Variants in RAD51 observed in about 807,000 individuals in gnomAD.
RAD51 encodes RAD51 recombinase.
A neutral mutation model predicts 41.5 loss-of-function variants in RAD51; 14 were observed. That is an observed-to-expected ratio of 0.34 (90% CI 0.22 to 0.53). RAD51 has a LOEUF of 0.53. RAD51 is among the 20% of genes least tolerant of loss of function. The pLI, the probability that RAD51 is intolerant of heterozygous loss-of-function variation, is 0.95. For synonymous variants in RAD51, 136 were observed against 148.6 expected (o/e 0.92, Z 0.62); for missense variants, 234 against 422.0 (o/e 0.55, Z 3.90).
chr15:40,697,713 G>A (rs955922351), intron 1 of RAD51, among the ~76,000 whole-genome samples: 1 of 150,632 alleles, frequency 6.6e-6, no homozygotes, highest in Non-Finnish European at 1.5e-5. Flanking sequence ...ACCACGCCCA[G>A]CTAATTTTTT....
intron 9 of RAD51, among the ~76,000 whole-genome samples, chr15:40,730,781 C>G (rs1228447877): frequency 6.6e-6 from 1 of 151,810 alleles, no homozygotes; most frequent in East Asian, 1.9e-4. Flanking sequence ...CTCAGCCTCC[C>G]AAAGTGCTGG....
At chr15:40,714,635 CTAAT>C (rs997156520) in intron 5 of RAD51, among the ~76,000 whole-genome samples, 7 of 152,064 alleles carry the variant, frequency 4.6e-5, no homozygotes, top group African/African-American at 1.7e-4. Context: ...AAAAAGAATG[CTAAT>C]TAATTAATAA....
At position 40,731,376 on chromosome 15, in the gene RAD51, A is replaced by G. The variant is rs1459829862; in HGVS notation, c.*198A>G. The G allele has an allele frequency of 1.5e-6, 1 of 653,040 alleles. No individual in the cohort carries two copies. Among genetic ancestry groups the G allele is most frequent in the African/African-American group, 1.8e-5 (1 of 55,062 alleles). 40.5% of individuals were successfully genotyped at this position (653,040 alleles called of 1,614,324 possible). A position where few individuals can be genotyped will look rare whatever the true frequency, so the allele number is the denominator to read the frequency against. ...AGTCACAAACTGATCTAAAATGTTT[A>G]TTCCTTCTGTAGTGTATTAATCTCT... On this transcript the variant is annotated 3_prime_UTR_variant, in exon 10 of 10. Transcript: ENST00000267868.
intron 2 of RAD51, among the ~76,000 whole-genome samples, chr15:40,699,508 A>C (rs45439992): frequency 6.6e-6 from 1 of 150,976 alleles, no homozygotes; most frequent in Admixed American, 6.6e-5. Flanking sequence ...TTGATCTTGA[A>C]CTCCTGGCCT....
chr15:40,695,570 G>C (rs868124562), intron 1 of RAD51, 145 bp downstream of exon 1: 4 of 151,490 alleles, frequency 2.6e-5, no homozygotes, highest in African/African-American at 9.7e-5. Flanking sequence ...GTCCGCGCCC[G>C]ACCGACCCTC....
chr15:40,707,316 CT>C (rs1224584164), intron 4 of RAD51, among the ~76,000 whole-genome samples: 2 of 126,344 alleles, frequency 1.6e-5, no homozygotes. Context: ...TTTTCTTTCC[CT>C]TTTTTTTGAG....
chr15:40,713,967 A>C (rs935119214), intron 5 of RAD51, among the ~76,000 whole-genome samples: 8 of 143,142 alleles, frequency 5.6e-5, no homozygotes, highest in African/African-American at 2.1e-4. Flanking sequence ...GACCTAATCC[A>C]TTGTTAACTC....
chr15:40,699,702 G>C (rs1444849670), intron 2 of RAD51, among the ~76,000 whole-genome samples: 1 of 152,184 alleles, frequency 6.6e-6, no homozygotes, highest in Non-Finnish European at 1.5e-5. Context: ...ACCTAGATTT[G>C]TGCTGTCAGC....
chr15:40,695,096 CG>C (rs1382028367), upstream of RAD51: 1 of 152,344 alleles, frequency 6.6e-6, no homozygotes, highest in Non-Finnish European at 1.5e-5. Flanking sequence ...AGGGCGGAAG[CG>C]GGGAGAAGGC....
At chr15:40,701,412 TCA>T (rs1380041443) in intron 3 of RAD51, among the ~76,000 whole-genome samples, 4 of 145,642 alleles carry the variant, frequency 2.7e-5, no homozygotes. Context: ...TCTCGCTCTG[TCA>T]CACAGGGTGG....
chr15:40,728,943 T>G (rs1320733068), intron 7 of RAD51, 119 bp downstream of exon 7: 5 of 882,468 alleles, frequency 5.7e-6, no homozygotes, highest in African/African-American at 1.7e-5. Flanking sequence ...TTAAGTATAA[T>G]TCCTGTGTTG....
intron 4 of RAD51, among the ~76,000 whole-genome samples, 200 bp from the exon 5 acceptor site, chr15:40,708,825 A>C (rs1014245603): frequency 1.3e-5 from 2 of 151,416 alleles, no homozygotes; most frequent in Non-Finnish European, 2.9e-5. Flanking sequence ...CCACCCACCT[A>C]AGCTTCCTAA....
intron 9 of RAD51, among the ~76,000 whole-genome samples, chr15:40,730,667 A>G (rs564727009): frequency 6.7e-6 from 1 of 149,376 alleles, no homozygotes; most frequent in African/African-American, 2.5e-5. Flanking sequence ...GACTACAGGC[A>G]CCCGCCACCA....
Position 40,718,870 on chromosome 15 carries a change from G to A in RAD51, c.501G>A (p.Arg167=), listed in dbSNP as rs554381888. The change falls in exon 6 of 10, where the codon AGG becomes AGA. Residue 167 remains arginine, a synonymous_variant. Transcript: ENST00000267868. ...ACATTGACACTGAGGGTACCTTTAG[G>A]CCAGAACGGCTGCTGGCAGTGGCTG... The part of the protein sequence containing the change: ...AMYIDTEGTF[R]PERLLAVAER... 1.2e-5 allele frequency: 19 copies of A among 1,613,250 alleles called. No homozygotes were observed. In the South Asian group the frequency reaches 1.8e-4, roughly 15 times the overall value.
At chr15:40,710,989 C>T (rs1425917725) in intron 5 of RAD51, among the ~76,000 whole-genome samples, 1 of 152,128 alleles carries the variant, frequency 6.6e-6, no homozygotes, top group Non-Finnish European at 1.5e-5. Flanking sequence ...ACTTATGCTC[C>T]TATTGGTGGG....
chr15:40,731,709 A>G lies in RAD51; in HGVS notation c.*531A>G, dbSNP rs775800573. On this transcript the variant is annotated 3_prime_UTR_variant, in exon 10 of 10. Transcript: ENST00000267868. Reference sequence around the variant, plus strand: ...GGTTATGGAGTCTTGTGCCAAACCTACTAGGCCATTAGCCCTTCACCATCT... The same window carrying G: ...GGTTATGGAGTCTTGTGCCAAACCTGCTAGGCCATTAGCCCTTCACCATCT... The G allele has an allele frequency of 4.3e-5, 10 of 231,502 alleles. No homozygotes were observed. Among genetic ancestry groups the G allele is most frequent in the Non-Finnish European group, 6.0e-5 (7 of 116,162 alleles). The allele number at this position is 231,502 out of a possible 1,614,324, so 14.3% of individuals were successfully genotyped here. A position where few individuals can be genotyped will look rare whatever the true frequency, so the allele number is the denominator to read the frequency against.
intron 7 of RAD51, 90 bp from the exon 8 acceptor site, chr15:40,729,415 C>T (rs1896757921): frequency 1.3e-6 from 1 of 756,516 alleles, no homozygotes. Context: ...ACAGGAAAAA[C>T]TATGAATATG....
intron 5 of RAD51, among the ~76,000 whole-genome samples, chr15:40,712,104 A>G (rs545785039): frequency 6.6e-6 from 1 of 151,834 alleles, no homozygotes; most frequent in African/African-American, 2.4e-5. Context: ...TTAAGATCCT[A>G]TTTCAGAAGG....
Position 40,729,663 on chromosome 15 carries a change from C to T in RAD51, c.774+29C>T, listed in dbSNP as rs111861710. 6.5e-5 allele frequency: 105 copies of T among 1,613,110 alleles called. 2 individuals are homozygous for T. In the African/African-American group the frequency reaches 9.3e-4, roughly 14 times the overall value. Reference sequence around the variant, plus strand: ...AGTTGTGGGATAGGGACAGAGAATGCCTACTTTCAGTGGCTGTGAATTCCA... The same window carrying T: ...AGTTGTGGGATAGGGACAGAGAATGTCTACTTTCAGTGGCTGTGAATTCCA... On this transcript the variant is annotated intron_variant, in intron 8 of 9. Transcript: ENST00000267868.
Sources: gnomAD v4.1 joint callset for allele counts (sites outside exome capture counted in the v4.1 genomes callset) on GRCh38, gnomAD v4.1.1 for gene constraint, MANE v1.5 for transcripts, NCBI Gene and HGNC (gene_info 2026-07-23, HGNC 2026-07-21) for gene names.